The following ZMYM4 variants were observed in gnomAD, a reference collection of about 807,000 sequenced individuals.
ZMYM4 encodes the protein zinc finger MYM-type protein 4.
ZMYM4 carries 31 observed loss-of-function variants against 183.2 expected under a neutral mutation model. That is an observed-to-expected ratio of 0.17 (90% CI 0.13 to 0.23). The LOEUF (loss-of-function observed/expected upper bound fraction) is 0.23, where lower values mean the gene tolerates loss of function less well. Ranked by LOEUF, ZMYM4 falls within the 10% of genes least tolerant of loss-of-function variation. ZMYM4 has a pLI of 1.00. For synonymous variants in ZMYM4, 592 were observed against 631.2 expected, an observed-to-expected ratio of 0.94 and a Z score of 0.93; for missense variants, 1,273 against 1,840.3, an observed-to-expected ratio of 0.69 and a Z score of 5.64.
intron 9 of ZMYM4, among the ~76,000 whole-genome samples, chr1:35,382,854 C>G (rs1013338398): frequency 6.6e-5 from 10 of 151,902 alleles, no homozygotes; most frequent in African/African-American, 2.2e-4. Flanking sequence ...ATAACAAATC[C>G]TGTCATTTTG....
intron 26 of ZMYM4, among the ~76,000 whole-genome samples, chr1:35,413,283 G>T (rs149888418): frequency 1.3e-5 from 2 of 152,264 alleles, no homozygotes; most frequent in African/African-American, 4.8e-5. Flanking sequence ...GACCTCAAGT[G>T]ATCCTCTCAC....
chr1:35,285,962 A>AT (rs1640461419), intron 1 of ZMYM4, among the ~76,000 whole-genome samples: 1 of 152,168 alleles, frequency 6.6e-6, no homozygotes, highest in Non-Finnish European at 1.5e-5. Flanking sequence ...AGACTGAGAG[A>AT]TTTTATCCTC....
chr1:35,374,076 G>C (rs1255964636), intron 7 of ZMYM4, among the ~76,000 whole-genome samples: 1 of 127,568 alleles, frequency 7.8e-6, no homozygotes, highest in Non-Finnish European at 1.6e-5. Context: ...TTGTTGCCCA[G>C]GCTGGAGTGC....
chr1:35,361,063 C>A, intron 3 of ZMYM4, 131 bp from the exon 4 acceptor site: 1 of 703,756 alleles, frequency 1.4e-6, no homozygotes, highest in Non-Finnish European at 2.2e-6. Flanking sequence ...TTTTTGGGAC[C>A]CAGTTCACTC....
At chr1:35,395,756 G>T (rs190538270) in intron 18 of ZMYM4, among the ~76,000 whole-genome samples, 250 of 152,198 alleles carry the variant, frequency 1.6e-3, no homozygotes, top group Non-Finnish European at 2.7e-3. Context: ...CTAACACAAA[G>T]TTTATTTTAT....
chr1:35,365,626 G>GT (rs1486205059), intron 5 of ZMYM4, among the ~76,000 whole-genome samples: 2 of 152,032 alleles, frequency 1.3e-5, no homozygotes, highest in Admixed American at 1.3e-4. Context: ...TAGAAACTGT[G>GT]TTATTCATTT....
intron 8 of ZMYM4, 31 bp from the exon 9 acceptor site, chr1:35,381,515 T>C: frequency 6.2e-7 from 1 of 1,613,646 alleles, no homozygotes; most frequent in Non-Finnish European, 8.5e-7. Context: ...CTCTGCTCCT[T>C]GTTTTTGTGT....
chr1:35,353,398 C>G (rs1463890741), intron 2 of ZMYM4, among the ~76,000 whole-genome samples: 1 of 152,212 alleles, frequency 6.6e-6, no homozygotes, highest in Non-Finnish European at 1.5e-5. Flanking sequence ...GTAGAGTCTT[C>G]TAACGACTTC....
Position 35,276,625 on chromosome 1 carries a change from G to A in ZMYM4, c.39+7540G>A, listed in dbSNP as rs143663291. Among the ~76,000 whole-genome samples, 1,132 of 148,058 alleles carry A rather than the reference G, an allele frequency of 7.6e-3. 14 individuals are homozygous for A. The highest frequency in any genetic ancestry group is 0.027 in the African/African-American group (1,079 of 40,314). ...TCCCCCCACCTTTTTTTTTCTTTTT[G>A]AAATGGAGTTTTGCCCTTGTTGCCC... On this transcript the variant is annotated intron_variant, in intron 1 of 29. Transcript: ENST00000314607.
intron 1 of ZMYM4, among the ~76,000 whole-genome samples, chr1:35,276,793 G>A (rs1055919625): frequency 3.3e-5 from 5 of 152,130 alleles, no homozygotes; most frequent in Admixed American, 6.5e-5. Flanking sequence ...TTTTAGTAGC[G>A]ACAGGGTTTT....
At chr1:35,362,520 G>A (rs1264835081) in intron 5 of ZMYM4, among the ~76,000 whole-genome samples, 1 of 152,210 alleles carries the variant, frequency 6.6e-6, no homozygotes, top group African/African-American at 2.4e-5. Flanking sequence ...GGACGAATAT[G>A]CAATAGCAGC....
chr1:35,411,460 C>A (rs1639894894), intron 26 of ZMYM4, among the ~76,000 whole-genome samples: 1 of 152,040 alleles, frequency 6.6e-6, no homozygotes, highest in African/African-American at 2.4e-5. Context: ...CGGCCCTAAT[C>A]CATTTTTCTA....
At chr1:35,306,312 T>G (rs1446183574) in intron 1 of ZMYM4, among the ~76,000 whole-genome samples, 2 of 152,152 alleles carry the variant, frequency 1.3e-5, no homozygotes, top group Admixed American at 6.6e-5. Context: ...TTCCTTTTTC[T>G]CCACCATATT....
In ZMYM4 at chr1:35,380,511, A is replaced by G. The variant is rs190383124; in HGVS notation, c.1182-748A>G. ...CCTGGCTAATTTTTTGTATTTTTAGAGAGACGGGGTTTCACCGTGTTAGCC... is the reference window on the plus strand; with the variant it reads ...CCTGGCTAATTTTTTGTATTTTTAGGGAGACGGGGTTTCACCGTGTTAGCC... On this transcript the variant is annotated intron_variant, in intron 7 of 29. Transcript: ENST00000314607. Among the ~76,000 whole-genome samples, 56 of 152,040 alleles carry G rather than the reference A, an allele frequency of 3.7e-4. 1 individual carries two copies. The highest frequency in any genetic ancestry group is 3.4e-3 in the Middle Eastern group (1 of 294).
At chr1:35,374,687 G>A (rs1644297145) in intron 7 of ZMYM4, among the ~76,000 whole-genome samples, 1 of 148,746 alleles carries the variant, frequency 6.7e-6, no homozygotes. Flanking sequence ...AAAAAAAAAA[G>A]TCAGTCATAG....
At chr1:35,302,226 G>A (rs1287949162) in intron 1 of ZMYM4, among the ~76,000 whole-genome samples, 2 of 34,134 alleles carry the variant, frequency 5.9e-5, no homozygotes, top group African/African-American at 3.5e-4. Flanking sequence ...TTTTTTTTTT[G>A]TGACAGGGCC....
In ZMYM4 at chr1:35,389,078, A is replaced by G; in HGVS notation, c.2432A>G (p.Tyr811Cys). The change falls in exon 14 of 30, where the codon TAT becomes TGT. Residue 811 changes from tyrosine (Y) to cysteine (C), a missense_variant. Around this residue, in one of 6 missense-constraint regions of ZMYM4, gnomAD observed 319 missense variants for 518.1 expected, o/e 0.62. Coordinates refer to ENST00000314607, the MANE Select transcript of ZMYM4 (RefSeq NM_005095.3). This position sits in a 1 kb window ranked among gnomAD's most constrained non-coding sequence, Gnocchi z 4.0. Reference protein sequence around the residue: ...ECMSKYTVLFYQMAKCDACKR... With the variant: ...ECMSKYTVLFCQMAKCDACKR... ...ATGTCCAAATATACAGTTTTGTTCT[A>G]TCAGGTAAATAGAATTCACATTCCT... 1 of 1,610,656 alleles carries G rather than the reference A, an allele frequency of 6.2e-7. No homozygotes were observed. The highest frequency in any genetic ancestry group is 8.5e-7 in the Non-Finnish European group (1 of 1,178,764).
chr1:35,281,163 A>T (rs1640137994), intron 1 of ZMYM4, among the ~76,000 whole-genome samples: 1 of 152,040 alleles, frequency 6.6e-6, no homozygotes, highest in African/African-American at 2.4e-5. Flanking sequence ...ACGTGCCTGT[A>T]ATCCCAGCTA....
At chr1:35,302,814 C>T (rs1429947832) in intron 1 of ZMYM4, among the ~76,000 whole-genome samples, 1 of 151,996 alleles carries the variant, frequency 6.6e-6, no homozygotes, top group Non-Finnish European at 1.5e-5. Context: ...AGCTACTGCA[C>T]CCAGTCTGGC....
Sources: allele counts gnomAD v4.1 joint callset (sites outside exome capture counted in the v4.1 genomes callset), GRCh38; gene constraint gnomAD v4.1.1; regional missense constraint gnomAD v4.1.1; non-coding constraint Gnocchi (gnomAD v3.1); transcripts MANE v1.5; gene names NCBI Gene and HGNC (gene_info 2026-07-23, HGNC 2026-07-21).